Variants in EXOC4 observed in about 807,000 individuals in gnomAD.
EXOC4 encodes the protein exocyst complex component 4.
A neutral mutation model predicts 107.2 loss-of-function variants in EXOC4; 71 were observed. The ratio of observed to expected loss-of-function variants is 0.66; its 90% CI spans 0.55 to 0.81. The LOEUF (loss-of-function observed/expected upper bound fraction) is 0.81. Ranked by LOEUF, EXOC4 falls within the 30% of genes least tolerant of loss-of-function variation. EXOC4 has a pLI of 0.00. For synonymous variants in EXOC4, 456 were observed against 441.2 expected, an observed-to-expected ratio of 1.03 and a Z score of -0.42; for missense variants, 1,108 against 1,189.6, an observed-to-expected ratio of 0.93 and a Z score of 1.01.
chr7:133,905,502 C>T (rs183429575), intron 12 of EXOC4, among the ~76,000 whole-genome samples: 224 of 152,298 alleles, frequency 1.5e-3, no homozygotes, highest in Non-Finnish European at 1.8e-3. Flanking sequence ...GAGTGCTTCC[C>T]TCCCCTTGCC....
intron 17 of EXOC4, among the ~76,000 whole-genome samples, chr7:134,021,420 T>C (rs950140345): frequency 1.2e-4 from 18 of 152,172 alleles, no homozygotes; most frequent in African/African-American, 3.4e-4. Flanking sequence ...AAAGGTCTTA[T>C]AAGGCTCTGA....
intron 14 of EXOC4, among the ~76,000 whole-genome samples, chr7:133,971,401 G>GAAAGAGAA (rs1801233077): frequency 9.0e-6 from 1 of 110,718 alleles, no homozygotes; most frequent in Non-Finnish European, 1.8e-5. Context: ...GAGAGAGAGA[G>GAAAGAGAA]AAAGAGAGAG....
intron 11 of EXOC4, among the ~76,000 whole-genome samples, chr7:133,833,067 C>A (rs975564470): frequency 6.7e-6 from 1 of 149,564 alleles, no homozygotes; most frequent in African/African-American, 2.4e-5. Flanking sequence ...CACACACATG[C>A]ACACACACAT....
chr7:134,089,985 G>A, the EXOC4 span, among the ~76,000 whole-genome samples: 1 of 152,114 alleles, frequency 6.6e-6, no homozygotes, highest in Non-Finnish European at 1.5e-5. Flanking sequence ...TAGAAGAAAT[G>A]TTTACATTTT....
intron 10 of EXOC4, among the ~76,000 whole-genome samples, chr7:133,781,793 G>A (rs1430082753): frequency 2.0e-5 from 3 of 152,116 alleles, no homozygotes; most frequent in Non-Finnish European, 4.4e-5. Flanking sequence ...ACTCCCAATT[G>A]TGTTCTGGAC....
At chr7:133,421,529 G>A (rs1479838862) in intron 7 of EXOC4, among the ~76,000 whole-genome samples, 1 of 152,222 alleles carries the variant, frequency 6.6e-6, no homozygotes, top group Non-Finnish European at 1.5e-5. Context: ...CAGATCTGAA[G>A]AGAGAAGGAA....
At chr7:133,879,560 C>T (rs975248894) in intron 11 of EXOC4, among the ~76,000 whole-genome samples, 1 of 152,008 alleles carries the variant, frequency 6.6e-6, no homozygotes, top group Non-Finnish European at 1.5e-5. Context: ...TTTTAATAGC[C>T]ACCTTAAATG....
chr7:133,931,864 T>C (rs1000955758), intron 13 of EXOC4, among the ~76,000 whole-genome samples: 4 of 152,210 alleles, frequency 2.6e-5, no homozygotes, highest in African/African-American at 9.7e-5. Context: ...AGCAGAATGG[T>C]GTCTGCAATT....
intron 12 of EXOC4, among the ~76,000 whole-genome samples, chr7:133,906,647 T>A (rs887911126): frequency 9.2e-5 from 14 of 152,212 alleles, no homozygotes; most frequent in Non-Finnish European, 1.9e-4. Flanking sequence ...ATTCTTCTGC[T>A]CTGTGTTTAC....
intron 15 of EXOC4, among the ~76,000 whole-genome samples, chr7:134,000,042 T>C (rs1324715732): frequency 6.6e-6 from 1 of 152,212 alleles, no homozygotes; most frequent in Non-Finnish European, 1.5e-5. Context: ...TGTAGAATTA[T>C]CTTTCCTTGA....
At chr7:134,001,515 C>T (rs1794530972) in intron 15 of EXOC4, among the ~76,000 whole-genome samples, 1 of 151,588 alleles carries the variant, frequency 6.6e-6, no homozygotes, top group Non-Finnish European at 1.5e-5. Flanking sequence ...GAAGATAATA[C>T]CTTAAAGAAA....
At chr7:133,794,749 A>G (rs1000794457) in intron 10 of EXOC4, among the ~76,000 whole-genome samples, 6 of 151,476 alleles carry the variant, frequency 4.0e-5, no homozygotes, top group African/African-American at 1.2e-4. Context: ...CTCTTGCCCT[A>G]TTGAGTGAGC....
intron 7 of EXOC4, among the ~76,000 whole-genome samples, chr7:133,456,363 T>C (rs965442518): frequency 1.3e-5 from 2 of 152,140 alleles, no homozygotes; most frequent in African/African-American, 4.8e-5. Flanking sequence ...TAATTATATC[T>C]CCACTGTGTG....
At position 133,779,992 on chromosome 7, in the gene EXOC4, G is replaced by A. The variant is rs764524064; in HGVS notation, c.1515-37333G>A. Among the ~76,000 whole-genome samples, 12 of 152,150 alleles carry A rather than the reference G, an allele frequency of 7.9e-5. 1 individual carries two copies. Among genetic ancestry groups the A allele is most frequent in the Middle Eastern group, 3.2e-3 (1 of 316 alleles). ...TGGCAGCTCCATTCTTTAAGTCAGC[G>A]AGACTGTGTACCCACCGGAAGGAAC... On this transcript the variant is annotated intron_variant, in intron 10 of 17. Coordinates refer to ENST00000253861, the MANE Select transcript of EXOC4 (RefSeq NM_021807.4).
At chr7:133,465,113 C>T (rs768907802) in intron 7 of EXOC4, among the ~76,000 whole-genome samples, 19 of 152,100 alleles carry the variant, frequency 1.2e-4, no homozygotes, top group Non-Finnish European at 2.2e-4. Context: ...TGCCACTGCA[C>T]CCAGCCTGAA....
At chr7:133,662,260 G>C (rs539907716) in intron 10 of EXOC4, among the ~76,000 whole-genome samples, 1 of 152,216 alleles carries the variant, frequency 6.6e-6, no homozygotes, top group Non-Finnish European at 1.5e-5. Context: ...TTTAATCTTA[G>C]AACATACCCG....
At chr7:133,840,159 G>C (rs1402662665) in intron 11 of EXOC4, among the ~76,000 whole-genome samples, 1 of 152,178 alleles carries the variant, frequency 6.6e-6, no homozygotes, top group Non-Finnish European at 1.5e-5. Flanking sequence ...ACCTTATTGA[G>C]GGGAATAGAT....
At chr7:133,337,800 T>G (rs1195778531) in intron 5 of EXOC4, among the ~76,000 whole-genome samples, 1 of 151,818 alleles carries the variant, frequency 6.6e-6, no homozygotes, top group African/African-American at 2.4e-5. Flanking sequence ...CTTGGCTAAT[T>G]TTTGCATTTT....
At chr7:133,860,093 G>A (rs759270989) in intron 11 of EXOC4, among the ~76,000 whole-genome samples, 1 of 152,132 alleles carries the variant, frequency 6.6e-6, no homozygotes, top group East Asian at 1.9e-4. Context: ...ATGCAGTTTT[G>A]TTTTTAGATA....
Sources: gnomAD v4.1 joint callset for allele counts (sites outside exome capture counted in the v4.1 genomes callset) on GRCh38, gnomAD v4.1.1 for gene constraint, MANE v1.5 for transcripts, NCBI Gene and HGNC (gene_info 2026-07-23, HGNC 2026-07-21) for gene names.